Variants in BRCC3 observed in about 807,000 individuals in gnomAD.
BRCC3 encodes lys-63-specific deubiquitinase BRCC36.
A neutral mutation model predicts 28.0 loss-of-function variants in BRCC3; 15 were observed. That is an observed-to-expected ratio of 0.54 (90% CI 0.36 to 0.82). BRCC3 has a LOEUF of 0.82. Among genes scored for constraint, BRCC3 ranks in the 40% least tolerant of loss-of-function variants. BRCC3 has a pLI of 0.01. For missense variants in BRCC3, 109 were observed against 225.9 expected (o/e 0.48, Z 3.32); for synonymous variants, 66 against 80.3 (o/e 0.82, Z 0.95).
chrX:155,100,520 T>C (rs1030931106), intron 7 of BRCC3, among the ~76,000 whole-genome samples: 1 of 112,486 alleles, frequency 8.9e-6, no homozygotes, highest in Non-Finnish European at 1.9e-5. Context: ...GGCAGTTATT[T>C]TGGAAAATGT....
chrX:155,122,320 C>T lies in BRCC3; in HGVS notation c.*1116C>T, dbSNP rs1299296916. 9.0e-6 allele frequency: 1 copy of T among 111,562 alleles called. No individual in the cohort carries two copies. The highest frequency in any genetic ancestry group is 9.5e-5 in the Admixed American group (1 of 10,550). 9.2% of individuals were successfully genotyped at this position (111,562 alleles called of 1,213,427 possible). ...CAGCGAGGCTATGACTTACTTATCT[C>T]AATGGCTAAAGAAAAAATAGTGAAA... On this transcript the variant is annotated 3_prime_UTR_variant, in exon 11 of 11. Coordinates refer to ENST00000330045, the MANE Select transcript of BRCC3 (RefSeq NM_001018055.3).
chrX:155,088,326 A>G (rs1213988079), intron 5 of BRCC3, among the ~76,000 whole-genome samples: 1 of 110,774 alleles, frequency 9.0e-6, no homozygotes, highest in East Asian at 2.8e-4. Context: ...TCTGAAGACT[A>G]AATTTAGCCT....
At position 155,092,457 on chromosome X, in the gene BRCC3, A is replaced by G. The variant is rs782168452; in HGVS notation, c.548+1618A>G. On this transcript the variant is annotated intron_variant, in intron 7 of 10. Coordinates refer to ENST00000330045, the MANE Select transcript of BRCC3 (RefSeq NM_001018055.3). ...TGTCTATGGTTGATTCTGAGAGTAG[A>G]AAATAAAGTGTTTATATTGTTATTA... Among the ~76,000 whole-genome samples, 10 of 111,830 alleles carry G rather than the reference A, an allele frequency of 8.9e-5. No individual in the cohort carries two copies. The South Asian group carries it at 3.7e-3, about 41-fold the overall frequency.
chrX:155,083,891 T>C (rs1193282219), intron 5 of BRCC3, among the ~76,000 whole-genome samples: 1 of 112,368 alleles, frequency 8.9e-6, no homozygotes, highest in Non-Finnish European at 1.9e-5. Flanking sequence ...GGGAAGAAAC[T>C]AAGCTGAGGG....
chrX:155,115,786 G>C (rs1285603319), intron 7 of BRCC3, among the ~76,000 whole-genome samples: 3 of 112,030 alleles, frequency 2.7e-5, no homozygotes, highest in African/African-American at 9.7e-5. Flanking sequence ...TAAGGACCTT[G>C]AGCTCTCAAG....
At chrX:155,100,424 G>A (rs1218029244) in intron 7 of BRCC3, among the ~76,000 whole-genome samples, 1 of 112,417 alleles carries the variant, frequency 8.9e-6, no homozygotes, top group Non-Finnish European at 1.9e-5. Context: ...CACATTGCAC[G>A]TAATTGTCTT....
intron 7 of BRCC3, chrX:155,099,179 A>T: frequency 1.5e-6 from 1 of 685,569 alleles, no homozygotes; most frequent in Non-Finnish European, 1.9e-6. Flanking sequence ...AAATAAAATT[A>T]GAAATGTTTT....
chrX:155,091,792 G>A (rs1415163439), intron 7 of BRCC3, among the ~76,000 whole-genome samples: 5 of 104,452 alleles, frequency 4.8e-5, no homozygotes, highest in Non-Finnish European at 7.8e-5. Flanking sequence ...AAATGCAGCC[G>A]TTAAAAAAAA....
intron 7 of BRCC3, among the ~76,000 whole-genome samples, chrX:155,101,352 C>G (rs2074246038): frequency 8.9e-6 from 1 of 111,783 alleles, no homozygotes; most frequent in African/African-American, 3.3e-5. Context: ...GTCCTGGAAC[C>G]AATCCCCAAC....
chrX:155,097,658 A>G (rs1169755506), intron 7 of BRCC3, among the ~76,000 whole-genome samples: 2 of 112,624 alleles, frequency 1.8e-5, no homozygotes, highest in African/African-American at 6.5e-5. Context: ...ACCCTTGTAC[A>G]CTGTTGGTAG....
At chrX:155,077,371 T>C (rs1359787200) in intron 4 of BRCC3, 82 bp downstream of exon 4, 2 of 916,729 alleles carry the variant, frequency 2.2e-6, no homozygotes, top group Non-Finnish European at 2.8e-6. Context: ...CATCCTGCTT[T>C]AGGTGGTTTC....
At chrX:155,086,445 G>C (rs1007819110) in intron 5 of BRCC3, among the ~76,000 whole-genome samples, 2 of 111,534 alleles carry the variant, frequency 1.8e-5, no homozygotes, top group African/African-American at 6.5e-5. Flanking sequence ...CCGTCTCCTG[G>C]GCTCAAGCGA....
Position 155,122,582 on chromosome X carries a change from C to T in BRCC3, c.*1378C>T, listed in dbSNP as rs1301732953. The T allele has an allele frequency of 9.0e-6, 1 of 111,324 alleles. No homozygotes were observed. Among genetic ancestry groups the T allele is most frequent in the Non-Finnish European group, 1.9e-5 (1 of 53,011 alleles). 9.2% of individuals were successfully genotyped at this position (111,324 alleles called of 1,213,427 possible). On this transcript the variant is annotated 3_prime_UTR_variant, in exon 11 of 11. Transcript: ENST00000330045. Reference sequence around the variant, plus strand: ...TCATAGGAGCTTTATTTGTAATAGCCCCAAACTGGAAACAACCCAGATGTC... The same window carrying T: ...TCATAGGAGCTTTATTTGTAATAGCTCCAAACTGGAAACAACCCAGATGTC...
intron 6 of BRCC3, among the ~76,000 whole-genome samples, chrX:155,089,838 G>A (rs1342328789): frequency 4.5e-5 from 5 of 111,943 alleles, no homozygotes; most frequent in African/African-American, 1.6e-4. Context: ...TGTTTTAATG[G>A]GATCTCTCTG....
chrX:155,076,418 A>C (rs1205025094), intron 3 of BRCC3, among the ~76,000 whole-genome samples: 4 of 110,441 alleles, frequency 3.6e-5, no homozygotes, highest in Non-Finnish European at 5.7e-5. Context: ...CAAAAAAAAA[A>C]CTCCCTGAGA....
At chrX:155,097,077 G>T (rs993411598) in intron 7 of BRCC3, among the ~76,000 whole-genome samples, 49 of 112,074 alleles carry the variant, frequency 4.4e-4, no homozygotes, top group African/African-American at 1.4e-3. Flanking sequence ...AGGAAACACT[G>T]CTTGACATTG....
At chrX:155,101,949 C>T (rs782333278) in intron 7 of BRCC3, among the ~76,000 whole-genome samples, 5 of 112,138 alleles carry the variant, frequency 4.5e-5, no homozygotes, top group African/African-American at 1.6e-4. Context: ...TTTCATACAT[C>T]GTAATTATTC....
rs782752961 is a variant in BRCC3 at position 155,120,903 on chromosome X, G to A, written c.*19-320G>A. On this transcript the variant is annotated intron_variant, in intron 10 of 10. Coordinates refer to ENST00000330045, the MANE Select transcript of BRCC3 (RefSeq NM_001018055.3). The stretch of plus-strand genomic sequence containing the variant: ...ATGTAAAAGCACAAATGATAAATGT[G>A]TCTGCAGAAAAGACATACTTTTCTG... 2.7e-5 allele frequency among the ~76,000 whole-genome samples: 3 copies of A among 112,259 alleles called. No individual in the cohort carries two copies. In the South Asian group the frequency reaches 1.1e-3, roughly 41 times the overall value.
intron 7 of BRCC3, among the ~76,000 whole-genome samples, chrX:155,114,049 T>C (rs2074339039): frequency 9.0e-6 from 1 of 111,525 alleles, no homozygotes; most frequent in African/African-American, 3.3e-5. Context: ...AATAAGCCTG[T>C]AGTTTCTTTA....
Sources: allele counts gnomAD v4.1 joint callset (sites outside exome capture counted in the v4.1 genomes callset), GRCh38; gene constraint gnomAD v4.1.1; transcripts MANE v1.5; gene names NCBI Gene and HGNC (gene_info 2026-07-23, HGNC 2026-07-21).